Variants in KCNT2 observed in about 807,000 individuals in gnomAD.
The protein encoded by KCNT2 is potassium channel subfamily T member 2.
Under a neutral mutation model 153.8 loss-of-function variants are expected in KCNT2, and 67 were observed. The observed-to-expected ratio is 0.44, with a 90% CI of 0.36 to 0.53. The LOEUF (loss-of-function observed/expected upper bound fraction) is 0.53, where lower values mean the gene tolerates loss of function less well. KCNT2 is among the 20% of genes least tolerant of loss of function. The pLI is 0.00. For synonymous variants in KCNT2, 500 were observed against 458.8 expected (o/e 1.09, Z -1.15); for missense variants, 975 against 1,354.8 (o/e 0.72, Z 4.40).
chr1:196,592,520 A>T (rs1054495064), intron 1 of KCNT2, among the ~76,000 whole-genome samples: 6 of 147,540 alleles, frequency 4.1e-5, no homozygotes, highest in Middle Eastern at 3.3e-3. Context: ...AAATATATTA[A>T]TATATAACTT....
At chr1:196,299,245 T>C (rs1660957430) in intron 22 of KCNT2, among the ~76,000 whole-genome samples, 1 of 152,116 alleles carries the variant, frequency 6.6e-6, no homozygotes, top group African/African-American at 2.4e-5. Context: ...CTGTTGCCTG[T>C]TACACCTGTT....
chr1:196,526,033 G>A (rs921988297), intron 1 of KCNT2, among the ~76,000 whole-genome samples: 6 of 151,358 alleles, frequency 4.0e-5, no homozygotes, highest in Non-Finnish European at 7.4e-5. Context: ...GTGTGTGTGT[G>A]TGTGTGTGTG....
At chr1:196,387,167 T>C (rs568569153) in intron 13 of KCNT2, among the ~76,000 whole-genome samples, 1 of 152,160 alleles carries the variant, frequency 6.6e-6, no homozygotes, top group South Asian at 2.1e-4. Context: ...AAACCCATCT[T>C]CTACCTACTA....
At chr1:196,422,309 A>T (rs1304552893) in intron 12 of KCNT2, among the ~76,000 whole-genome samples, 2 of 151,966 alleles carry the variant, frequency 1.3e-5, no homozygotes, top group Admixed American at 1.3e-4. Context: ...GCCTTTTCCC[A>T]TTCTCTATAG....
At chr1:196,592,891 T>C (rs12134548) in intron 1 of KCNT2, among the ~76,000 whole-genome samples, 19,133 of 149,772 alleles carry the variant, frequency 0.13, 3,807 homozygotes, top group African/African-American at 0.43. Context: ...ATAAAAATTA[T>C]TTTTAAGAAA....
chr1:196,350,645 T>G (rs576203085), intron 14 of KCNT2, among the ~76,000 whole-genome samples: 41 of 152,226 alleles, frequency 2.7e-4, no homozygotes, highest in South Asian at 1.9e-3. Context: ...TTCTCCCATT[T>G]TGTAGGTTGC....
rs12029246 is a variant in KCNT2, at chr1:196,412,047, C to T, written c.1185+11003G>A. Reference sequence around the variant, plus strand: ...ATAAATTATACTTGATAATGATGTACGAGCTCTCTAATATGCTGTTGTGCT... The same window carrying T: ...ATAAATTATACTTGATAATGATGTATGAGCTCTCTAATATGCTGTTGTGCT... On this transcript the variant is annotated intron_variant, in intron 12 of 27. Coordinates refer to ENST00000294725, the MANE Select transcript of KCNT2 (RefSeq NM_198503.5). Among the ~76,000 whole-genome samples, 3,565 of 151,794 alleles carry T rather than the reference C, an allele frequency of 0.023. 526 individuals carry two copies. In the East Asian group the frequency reaches 0.42, roughly 18 times the overall value.
At chr1:196,289,024 C>T (rs1659940395) in intron 22 of KCNT2, among the ~76,000 whole-genome samples, 1 of 152,108 alleles carries the variant, frequency 6.6e-6, no homozygotes, top group South Asian at 2.1e-4. Context: ...CTACATCCCA[C>T]TGTGATTACA....
intron 4 of KCNT2, among the ~76,000 whole-genome samples, chr1:196,479,619 C>G (rs1678836752): frequency 6.6e-6 from 1 of 151,634 alleles, no homozygotes; most frequent in African/African-American, 2.4e-5. Context: ...CAATGTTGTC[C>G]AGGCTGGTCT....
intron 16 of KCNT2, among the ~76,000 whole-genome samples, chr1:196,335,542 A>G (rs979444398): frequency 6.6e-6 from 1 of 152,198 alleles, no homozygotes; most frequent in Non-Finnish European, 1.5e-5. Context: ...ACATGGTATT[A>G]CAATCTTATT....
rs1186012661 is a variant in KCNT2 at position 196,501,673 on chromosome 1, A to G, written c.96-9332T>C. On this transcript the variant is annotated intron_variant, in intron 1 of 27. Transcript: ENST00000294725. ...TCACTATTCAGATGATGGGCACACA[A>G]AAAGCTCAGATTTCACTACAACACA... 2.0e-5 allele frequency among the ~76,000 whole-genome samples: 3 copies of G among 152,208 alleles called. No individual in the cohort carries two copies. In the East Asian group the frequency reaches 5.8e-4, roughly 29 times the overall value.
At chr1:196,354,637 A>C (rs1483395882) in intron 14 of KCNT2, among the ~76,000 whole-genome samples, 1 of 151,742 alleles carries the variant, frequency 6.6e-6, no homozygotes, top group Non-Finnish European at 1.5e-5. Flanking sequence ...GTTAAATATA[A>C]ATTTCTTTAT....
At chr1:196,416,971 C>G (rs1288144388) in intron 12 of KCNT2, among the ~76,000 whole-genome samples, 1 of 152,038 alleles carries the variant, frequency 6.6e-6, no homozygotes, top group Non-Finnish European at 1.5e-5. Context: ...CTCTCTATGT[C>G]CATTAGTTCA....
At chr1:196,321,589 C>T (rs1663318928) in intron 19 of KCNT2, among the ~76,000 whole-genome samples, 2 of 151,908 alleles carry the variant, frequency 1.3e-5, no homozygotes, top group South Asian at 2.1e-4. Flanking sequence ...TTGGAAATTG[C>T]TTTAACATCT....
intron 3 of KCNT2, among the ~76,000 whole-genome samples, chr1:196,484,890 G>A (rs1572608895): frequency 6.6e-6 from 1 of 152,024 alleles, no homozygotes; most frequent in Non-Finnish European, 1.5e-5. Flanking sequence ...ACAGTACGGC[G>A]ATTCCTCAAG....
intron 1 of KCNT2, among the ~76,000 whole-genome samples, chr1:196,581,514 C>A (rs772322233): frequency 1.3e-5 from 2 of 151,802 alleles, no homozygotes; most frequent in East Asian, 3.9e-4. Flanking sequence ...TTTTTTCTGT[C>A]CCTTATTCCC....
At chr1:196,552,752 A>C (rs1216924438) in intron 1 of KCNT2, among the ~76,000 whole-genome samples, 2 of 151,444 alleles carry the variant, frequency 1.3e-5, no homozygotes, top group African/African-American at 4.8e-5. Context: ...GAGAACAATA[A>C]AAAGGTAAAA....
intron 12 of KCNT2, among the ~76,000 whole-genome samples, chr1:196,412,493 C>T (rs1388577086): frequency 6.6e-6 from 1 of 151,572 alleles, no homozygotes; most frequent in Non-Finnish European, 1.5e-5. Flanking sequence ...ATACTATGTG[C>T]AATTCGGAGT....
chr1:196,424,009 C>T (rs6656928), intron 11 of KCNT2, among the ~76,000 whole-genome samples: 3,773 of 151,858 alleles, frequency 0.025, 122 homozygotes, highest in African/African-American at 0.067. Flanking sequence ...TTATAGGAAG[C>T]TAAGATTGGA....
Sources: allele counts gnomAD v4.1 joint callset (sites outside exome capture counted in the v4.1 genomes callset), GRCh38; gene constraint gnomAD v4.1.1; transcripts MANE v1.5; gene names NCBI Gene and HGNC (gene_info 2026-07-23, HGNC 2026-07-21).